The following GBP7 variants were observed in gnomAD, a reference collection of about 807,000 sequenced individuals.
GBP7 encodes guanylate binding protein 7, also known as guanylate-binding protein 7.
GBP7 carries 43 observed loss-of-function variants against 61.3 expected under a neutral mutation model. The observed-to-expected ratio is 0.70, with a 90% CI of 0.55 to 0.91. The LOEUF (loss-of-function observed/expected upper bound fraction) is 0.91. Among genes scored for constraint, GBP7 ranks in the 40% least tolerant of loss-of-function variants. The pLI is 0.00. For missense variants in GBP7, 717 were observed against 740.5 expected (o/e 0.97, Z 0.37); for synonymous variants, 267 against 271.0 (o/e 0.99, Z 0.14).
intron 9 of GBP7, among the ~76,000 whole-genome samples, chr1:89,140,421 C>A: frequency 7.0e-6 from 1 of 142,002 alleles, no homozygotes; most frequent in Non-Finnish European, 1.5e-5. Flanking sequence ...GCACATGCAC[C>A]CTAAAACTTA....
chr1:89,158,512 T>G lies in GBP7; in HGVS notation c.319-5735A>C, dbSNP rs368111999. Among the ~76,000 whole-genome samples, 56 of 152,286 alleles carry G rather than the reference T, an allele frequency of 3.7e-4. 6 individuals are homozygous for G. Among genetic ancestry groups the G allele is most frequent in the Admixed American group, 9.2e-4 (14 of 15,298 alleles). Reference sequence around the variant, plus strand: ...AAGCTGATAAGCAACTTCAGCAAAGTCTCAGGATACAAAATCAATGTACAA... The same window carrying G: ...AAGCTGATAAGCAACTTCAGCAAAGGCTCAGGATACAAAATCAATGTACAA... On this transcript the variant is annotated intron_variant, in intron 3 of 10. Transcript: ENST00000294671.
chr1:89,169,232 A>T (rs1647532293), intron 2 of GBP7, among the ~76,000 whole-genome samples: 1 of 152,120 alleles, frequency 6.6e-6, no homozygotes, highest in Admixed American at 6.6e-5. Flanking sequence ...AAACCCTGTG[A>T]CCTTTGCTTG....
rs534971160 is a variant in GBP7, at chr1:89,150,335, C to G, written c.866G>C (p.Gly289Ala). ...ATATAGGGAAATAGACTCACGGTTT[C>G]CAGTGACAAGGATTCCCTCTCTCAG... ...KTLREGILVTGNRLGMLVETY... is the reference protein window; with the variant it reads ...KTLREGILVTANRLGMLVETY... Residue 289 changes from glycine (G) to alanine (A), a missense_variant, in exon 6 of 11, where the codon GGA becomes GCA. By Grantham distance (60) the Gly-to-Ala change is moderately conservative. Around this residue, in one of 3 missense-constraint regions of GBP7, gnomAD observed 387 missense variants for 385.2 expected, o/e 1.00. Transcript: ENST00000294671. 5 of 1,612,656 alleles carry G rather than the reference C, an allele frequency of 3.1e-6. No individual in the cohort carries two copies. The African/African-American group carries it at 5.3e-5, about 17-fold the overall frequency.
chr1:89,145,174 A>G (rs1168155363), intron 8 of GBP7, among the ~76,000 whole-genome samples: 2 of 151,558 alleles, frequency 1.3e-5, no homozygotes, highest in African/African-American at 4.8e-5. Flanking sequence ...GATGGACTTG[A>G]TCTCCTGACC....
intron 8 of GBP7, among the ~76,000 whole-genome samples, chr1:89,145,211 A>G (rs1055368598): frequency 6.6e-6 from 1 of 152,040 alleles, no homozygotes; most frequent in Non-Finnish European, 1.5e-5. Context: ...TCAGCCTCCC[A>G]AAGTGCTGGG....
Position 89,149,432 on chromosome 1 carries a change from T to A in GBP7, c.1012A>T (p.Met338Leu). 1 of 1,614,162 alleles carries A rather than the reference T, an allele frequency of 6.2e-7. No individual in the cohort carries two copies. The highest frequency in any genetic ancestry group is 2.2e-5 in the East Asian group (1 of 44,890). ...GTGGGGAATCTCACTTGCTGGGCCATCTGCTGGCTGTAGTGGTTGGCTGCC... is the reference window on the plus strand; with the variant it reads ...GTGGGGAATCTCACTTGCTGGGCCAACTGCTGGCTGTAGTGGTTGGCTGCC... ...QRAANHYSQQ[M>L]AQQVRFPTDT... The change falls in exon 7 of 11, where the codon ATG becomes TTG. Residue 338 changes from methionine (M) to leucine (L), a missense_variant. By Grantham distance (15) the Met-to-Leu change is conservative. This residue lies in a region of GBP7 where 18 missense variants were observed against 45.2 expected (regional missense o/e 0.40). Transcript: ENST00000294671.
chr1:89,147,675 T>C lies in GBP7; in HGVS notation c.1257A>G (p.Glu419=). Residue 419 remains glutamate (E), a synonymous_variant, in exon 8 of 11, where the codon GAA becomes GAG. Transcript: ENST00000294671. The part of the protein sequence containing the change: ...ELKRLSELLT[E]SISRGTFFVP... Reference sequence around the variant, plus strand: ...CAAAGAAAGTTCCTCTTGAAATACTTTCTGTCAAGAGCTCTGAAAGCCGCT... The same window carrying C: ...CAAAGAAAGTTCCTCTTGAAATACTCTCTGTCAAGAGCTCTGAAAGCCGCT... 4 of 1,614,172 alleles carry C rather than the reference T, an allele frequency of 2.5e-6. No individual in the cohort carries two copies. The highest frequency in any genetic ancestry group is 3.4e-6 in the Non-Finnish European group (4 of 1,179,994).
rs188090566 is a variant in GBP7 at position 89,156,436 on chromosome 1, A to T, written c.319-3659T>A. On this transcript the variant is annotated intron_variant, in intron 3 of 10. Coordinates refer to ENST00000294671, the MANE Select transcript of GBP7 (RefSeq NM_207398.3). ...ATTGGATAAAGAGACAAGACCCATC[A>T]GTGTGCTGTATTCAAGAGACCCATC... Among the ~76,000 whole-genome samples, 1,477 of 152,298 alleles carry T rather than the reference A, an allele frequency of 9.7e-3. 30 individuals are homozygous for T. Among genetic ancestry groups the T allele is most frequent in the African/African-American group, 0.033 (1,392 of 41,564 alleles).
At chr1:89,161,523 G>C (rs1197559589) in intron 3 of GBP7, among the ~76,000 whole-genome samples, 4 of 152,034 alleles carry the variant, frequency 2.6e-5, no homozygotes, top group Non-Finnish European at 5.9e-5. Context: ...CTAATGGTCA[G>C]TGATGTTAAG....
intron 9 of GBP7, among the ~76,000 whole-genome samples, chr1:89,139,486 A>G (rs1014961047): frequency 5.3e-5 from 8 of 152,348 alleles, no homozygotes; most frequent in African/African-American, 1.9e-4. Flanking sequence ...AGCAAAAGAA[A>G]CTACCATCAG....
rs370023014 is a variant in GBP7, at chr1:89,152,395, G to A, written c.498C>T (p.Ser166=). The A allele has an allele frequency of 6.2e-7, 1 of 1,614,080 alleles. No individual in the cohort carries two copies. The highest frequency in any genetic ancestry group is 8.5e-7 in the Non-Finnish European group (1 of 1,180,004). The change falls in exon 5 of 11, where the codon TCC becomes TCT. Residue 166 remains serine (S), a synonymous_variant. Transcript: ENST00000294671. ...CTGGAAAGAAACTCACAAACTCGCT[G>A]GAGTCCTCAACTTCATCAGGTCTGG... is the stretch of plus-strand genomic sequence containing the variant. ...SCPRPDEVED[S]SEFVSFFPDF...
intron 3 of GBP7, among the ~76,000 whole-genome samples, chr1:89,160,350 TAAAGTA>T (rs1215643131): frequency 6.6e-6 from 1 of 152,116 alleles, no homozygotes; most frequent in East Asian, 1.9e-4. Context: ...CCCTAGAACT[TAAAGTA>T]TAATAAAAAA....
intron 2 of GBP7, among the ~76,000 whole-genome samples, chr1:89,168,838 G>A (rs985275002): frequency 2.6e-5 from 4 of 151,988 alleles, no homozygotes; most frequent in Non-Finnish European, 4.4e-5. Flanking sequence ...GCATGGTGGC[G>A]GGCTCCTGTA....
At chr1:89,170,696 A>C (rs1186574057) in intron 2 of GBP7, among the ~76,000 whole-genome samples, 1 of 152,216 alleles carries the variant, frequency 6.6e-6, no homozygotes, top group Non-Finnish European at 1.5e-5. Flanking sequence ...ACTTATGCCA[A>C]ACCCTAACAA....
intron 3 of GBP7, 58 bp from the exon 4 acceptor site, chr1:89,152,835 G>A (rs1309805680): frequency 1.0e-5 from 14 of 1,381,026 alleles, no homozygotes; most frequent in Non-Finnish European, 1.3e-5. Context: ...ACATCTCAAG[G>A]TCAACTACTT....
chr1:89,142,830 C>T (rs1681983732), intron 8 of GBP7, among the ~76,000 whole-genome samples: 1 of 152,176 alleles, frequency 6.6e-6, no homozygotes, highest in South Asian at 2.1e-4. Flanking sequence ...GACATTCTTG[C>T]ATTGCTACAA....
chr1:89,140,293 G>C, intron 9 of GBP7, among the ~76,000 whole-genome samples: 1 of 118,300 alleles, frequency 8.5e-6, no homozygotes, highest in East Asian at 2.9e-4. Context: ...ACTGTTGTGG[G>C]GTGGGGGGAG....
chr1:89,152,247 A>T (rs768599462), intron 5 of GBP7, 21 bp downstream of exon 5: 1 of 1,609,932 alleles, frequency 6.2e-7, no homozygotes, highest in South Asian at 1.1e-5. Flanking sequence ...ACCTTCTCCC[A>T]TCTAGGCCAT....
chr1:89,162,185 A>T (rs1647293638), intron 3 of GBP7, among the ~76,000 whole-genome samples: 1 of 152,000 alleles, frequency 6.6e-6, no homozygotes, highest in African/African-American at 2.4e-5. Context: ...GCCCTGTAGT[A>T]TAGTTTGATG....
Sources: allele counts gnomAD v4.1 joint callset (sites outside exome capture counted in the v4.1 genomes callset), GRCh38; gene constraint gnomAD v4.1.1; regional missense constraint gnomAD v4.1.1; transcripts MANE v1.5; gene names NCBI Gene and HGNC (gene_info 2026-07-23, HGNC 2026-07-21).